XRCC2: variants seen among roughly 807,000 people sequenced by gnomAD.
XRCC2 encodes the protein DNA repair protein XRCC2.
Under a neutral mutation model 27.3 loss-of-function variants are expected in XRCC2, and 24 were observed. That is an observed-to-expected ratio of 0.88 (90% CI 0.64 to 1.24). XRCC2 has a LOEUF of 1.24. XRCC2 is among the 50% of genes most tolerant of loss of function. The probability of loss-of-function intolerance (pLI) is 0.00; values close to 1 mark genes in which losing one functional copy is unlikely to be tolerated. For missense variants in XRCC2, 321 were observed against 325.8 expected, an observed-to-expected ratio of 0.99 and a Z score of 0.11; for synonymous variants, 106 against 115.4, an observed-to-expected ratio of 0.92 and a Z score of 0.52.
rs974885066 is a variant in XRCC2 at position 152,650,843 on chromosome 7, G to A, written c.122-1480C>T. Among the ~76,000 whole-genome samples, 7 of 152,100 alleles carry A rather than the reference G, an allele frequency of 4.6e-5. 1 individual carries two copies. The highest frequency in any genetic ancestry group is 2.6e-4 in the Admixed American group (4 of 15,272). ...AGAGGTTGCAGTGAGCTGAGATCAC[G>A]CCATTGGACTCCAGCCTGGGCGACA... On this transcript the variant is annotated intron_variant, in intron 2 of 2. Coordinates refer to ENST00000359321, the MANE Select transcript of XRCC2 (RefSeq NM_005431.2).
At chr7:152,671,940 C>T (rs967731846) in intron 1 of XRCC2, among the ~76,000 whole-genome samples, 2 of 152,240 alleles carry the variant, frequency 1.3e-5, no homozygotes, top group East Asian at 1.9e-4. Flanking sequence ...ACTCGGGAGG[C>T]TGAGGTGGGA....
intron 1 of XRCC2, among the ~76,000 whole-genome samples, chr7:152,661,815 A>G (rs2098033225): frequency 6.6e-6 from 1 of 152,234 alleles, no homozygotes. Flanking sequence ...GAACATAGTT[A>G]AGAGTAGACA....
At chr7:152,667,381 G>A (rs2098036263) in intron 1 of XRCC2, among the ~76,000 whole-genome samples, 1 of 110,370 alleles carries the variant, frequency 9.1e-6, no homozygotes, top group Non-Finnish European at 1.7e-5. Context: ...CTCCAGCCTG[G>A]GCAACAAGAG....
chr7:152,654,524 G>A (rs1372298544), intron 2 of XRCC2, among the ~76,000 whole-genome samples: 1 of 152,190 alleles, frequency 6.6e-6, no homozygotes, highest in African/African-American at 2.4e-5. Context: ...GCAGGGAAAA[G>A]ATCACTGAGT....
At chr7:152,658,715 C>CA (rs1563029494) in intron 2 of XRCC2, among the ~76,000 whole-genome samples, 1 of 152,284 alleles carries the variant, frequency 6.6e-6, no homozygotes, top group South Asian at 2.1e-4. Flanking sequence ...ATTTCATTTA[C>CA]CAATGTCCTC....
intron 1 of XRCC2, among the ~76,000 whole-genome samples, chr7:152,666,820 G>A (rs997508380): frequency 1.3e-5 from 2 of 151,298 alleles, no homozygotes; most frequent in Non-Finnish European, 2.9e-5. Flanking sequence ...GTTTCGCCAT[G>A]TTGGTCAGGC....
intron 1 of XRCC2, 103 bp from the exon 2 acceptor site, chr7:152,660,885 T>C: frequency 9.9e-7 from 1 of 1,010,740 alleles, no homozygotes; most frequent in Non-Finnish European, 1.4e-6. Context: ...TTCATAACTT[T>C]AGGCTGGGTG....
intron 1 of XRCC2, among the ~76,000 whole-genome samples, chr7:152,661,552 G>T (rs2098033092): frequency 6.6e-6 from 1 of 152,164 alleles, no homozygotes; most frequent in South Asian, 2.1e-4. Context: ...GCACAGGCAG[G>T]CCTAGTAGAC....
At chr7:152,674,683 A>ATATAAAATATATTTATAT (rs1439967262) in intron 1 of XRCC2, among the ~76,000 whole-genome samples, 1 of 68,238 alleles carries the variant, frequency 1.5e-5, no homozygotes, top group Non-Finnish European at 3.1e-5. Flanking sequence ...TCTATATTAT[A>ATATAAAATATATTTATAT]AATATATTTT....
chr7:152,667,626 T>A (rs1326269264), intron 1 of XRCC2, among the ~76,000 whole-genome samples: 1 of 151,604 alleles, frequency 6.6e-6, no homozygotes, highest in Non-Finnish European at 1.5e-5. Context: ...AAGCAGAGTA[T>A]ACTGAATTAT....
At position 152,649,186 on chromosome 7, in the gene XRCC2, A is replaced by T. The variant is rs768727548; in HGVS notation, c.299T>A (p.Leu100Gln). Residue 100 changes from leucine to glutamine, a missense_variant, in exon 3 of 3, where the codon CTA becomes CAA. Leu to Gln is a moderately radical substitution (Grantham distance 113). Coordinates refer to ENST00000359321, the MANE Select transcript of XRCC2 (RefSeq NM_005431.2). ...GATTATTTCTTCAGAGCTTTGGGAT[A>T]GTCTGTGCTCAAGAATTGTAACTAG... ...LRLVTILEHR[L>Q]SQSSEEIIKY... 2 of 1,613,796 alleles carry T rather than the reference A, an allele frequency of 1.2e-6. No homozygotes were observed. The highest frequency in any genetic ancestry group is 3.3e-5 in the Admixed American group (2 of 60,022).
At chr7:152,668,100 T>A (rs1379240767) in intron 1 of XRCC2, among the ~76,000 whole-genome samples, 1 of 152,178 alleles carries the variant, frequency 6.6e-6, no homozygotes, top group Non-Finnish European at 1.5e-5. Flanking sequence ...CAGTTTCATT[T>A]TCTGTGGTTT....
intron 2 of XRCC2, among the ~76,000 whole-genome samples, chr7:152,655,156 T>C (rs2116994152): frequency 1.3e-5 from 2 of 152,284 alleles, no homozygotes; most frequent in East Asian, 3.9e-4. Context: ...AAAATCTGGA[T>C]GATTTGGCCT....
intron 1 of XRCC2, among the ~76,000 whole-genome samples, chr7:152,670,883 G>A (rs182457419): frequency 2.0e-5 from 3 of 152,246 alleles, no homozygotes; most frequent in Non-Finnish European, 2.9e-5. Flanking sequence ...GAGCCACCAC[G>A]CCCAGCCCAT....
At chr7:152,673,828 A>G (rs1167946727) in intron 1 of XRCC2, among the ~76,000 whole-genome samples, 2 of 152,032 alleles carry the variant, frequency 1.3e-5, no homozygotes, top group Non-Finnish European at 2.9e-5. Flanking sequence ...GTGAGCCAAG[A>G]TCGCGCCACT....
At chr7:152,656,250 G>A (rs1311174594) in intron 2 of XRCC2, among the ~76,000 whole-genome samples, 4 of 152,120 alleles carry the variant, frequency 2.6e-5, no homozygotes, top group Non-Finnish European at 5.9e-5. Context: ...TCGGATGGGT[G>A]CAGTGGCTCA....
At chr7:152,662,443 C>T (rs1243361412) in intron 1 of XRCC2, among the ~76,000 whole-genome samples, 2 of 150,798 alleles carry the variant, frequency 1.3e-5, no homozygotes, top group African/African-American at 4.9e-5. Context: ...ATTTAACTGT[C>T]ACAAGGGAGA....
intron 2 of XRCC2, among the ~76,000 whole-genome samples, chr7:152,657,728 T>A (rs2098031293): frequency 6.6e-6 from 1 of 152,194 alleles, no homozygotes; most frequent in Admixed American, 6.6e-5. Flanking sequence ...GGAAATTAAG[T>A]TTGTATTAAT....
At chr7:152,664,044 T>G (rs2117003171) in intron 1 of XRCC2, 1 of 152,316 alleles carries the variant, frequency 6.6e-6, no homozygotes, top group African/African-American at 2.4e-5. Flanking sequence ...TAGCTGAGAT[T>G]CCCTGCTTGC....
Sources: gnomAD v4.1 joint callset for allele counts (sites outside exome capture counted in the v4.1 genomes callset) on GRCh38, gnomAD v4.1.1 for gene constraint, MANE v1.5 for transcripts, NCBI Gene and HGNC (gene_info 2026-07-23, HGNC 2026-07-21) for gene names.